CA1: variants seen among roughly 807,000 people sequenced by gnomAD.
The protein encoded by CA1 is carbonate dehydratase I.
CA1 carries 27 observed loss-of-function variants against 28.8 expected under a neutral mutation model. That is an observed-to-expected ratio of 0.94 (90% confidence interval 0.69 to 1.29). The LOEUF (loss-of-function observed/expected upper bound fraction) is 1.29, where lower values mean the gene tolerates loss of function less well. Among genes scored for constraint, CA1 ranks in the 50% most tolerant of loss-of-function variants. CA1 has a pLI of 0.00. For synonymous variants in CA1, 121 were observed against 108.8 expected (o/e 1.11, Z -0.70); for missense variants, 335 against 310.5 (o/e 1.08, Z -0.59).
chr8:85,366,250 T>C (rs1179006370), intron 1 of CA1, among the ~76,000 whole-genome samples: 1 of 150,062 alleles, frequency 6.7e-6, no homozygotes, highest in African/African-American at 2.5e-5. Flanking sequence ...TGAGCTCAAG[T>C]GATCCTCCCT....
At chr8:85,372,586 A>G (rs1331368541) in intron 1 of CA1, among the ~76,000 whole-genome samples, 2 of 152,220 alleles carry the variant, frequency 1.3e-5, no homozygotes, top group African/African-American at 2.4e-5. Context: ...TTATTGTCAG[A>G]TGAATGAATA....
chr8:85,357,757 G>A (rs976639819), intron 1 of CA1, among the ~76,000 whole-genome samples: 9 of 152,172 alleles, frequency 5.9e-5, no homozygotes, highest in Admixed American at 5.2e-4. Flanking sequence ...AGTCAGGGAA[G>A]TTCCAAAGAG....
intron 1 of CA1, among the ~76,000 whole-genome samples, chr8:85,376,911 A>G (rs974540981): frequency 9.2e-5 from 14 of 152,176 alleles, no homozygotes; most frequent in Middle Eastern, 3.4e-3. Flanking sequence ...ATTCTCTGAT[A>G]CAGTATCCTC....
At chr8:85,350,067 T>C (rs1809347265) in intron 1 of CA1, among the ~76,000 whole-genome samples, 1 of 152,214 alleles carries the variant, frequency 6.6e-6, no homozygotes, top group African/African-American at 2.4e-5. Flanking sequence ...GTCAAGGCCA[T>C]GTCTTATTCT....
At chr8:85,362,818 A>C (rs1418263483) in intron 1 of CA1, among the ~76,000 whole-genome samples, 1 of 152,216 alleles carries the variant, frequency 6.6e-6, no homozygotes, top group Non-Finnish European at 1.5e-5. Context: ...ATTCTATTGA[A>C]ATTTTTAGGC....
intron 1 of CA1, among the ~76,000 whole-genome samples, chr8:85,345,960 G>C (rs1809167867): frequency 6.6e-6 from 1 of 151,902 alleles, no homozygotes; most frequent in South Asian, 2.1e-4. Context: ...TCACTTTTAT[G>C]GCTTTTATTG....
chr8:85,329,258 C>G (rs956162655), intron 7 of CA1, among the ~76,000 whole-genome samples: 2 of 152,094 alleles, frequency 1.3e-5, no homozygotes, highest in Non-Finnish European at 2.9e-5. Flanking sequence ...TTATTAACAA[C>G]AGTTAATGAG....
At chr8:85,340,482 A>G (rs1808870073) in intron 2 of CA1, among the ~76,000 whole-genome samples, 1 of 152,236 alleles carries the variant, frequency 6.6e-6, no homozygotes, top group Admixed American at 6.5e-5. Flanking sequence ...ATGGAGATGT[A>G]CAAGGAGATT....
chr8:85,328,280 T>C lies in CA1; in HGVS notation c.*280A>G, dbSNP rs567462274. On this transcript the variant is annotated 3_prime_UTR_variant, in exon 8 of 8. Coordinates refer to ENST00000523022, the MANE Select transcript of CA1 (RefSeq NM_001128831.4). ...TCAAATAAACTGAAAAAAATAGACATACAAATCACTTAGTTGTAATTTTAA... is the reference window on the plus strand; with the variant it reads ...TCAAATAAACTGAAAAAAATAGACACACAAATCACTTAGTTGTAATTTTAA... 2.4e-4 allele frequency: 57 copies of C among 234,412 alleles called. No homozygotes were observed. The highest frequency in any genetic ancestry group is 1.7e-3 in the South Asian group (18 of 10,294). The allele number at this position is 234,412 out of a possible 1,614,324, so 14.5% of individuals were successfully genotyped here.
At chr8:85,344,444 C>T (rs1377109727) in intron 1 of CA1, among the ~76,000 whole-genome samples, 1 of 147,792 alleles carries the variant, frequency 6.8e-6, no homozygotes, top group Non-Finnish European at 1.5e-5. Context: ...TTTTTTAGTA[C>T]CCTAAAATGT....
At chr8:85,371,984 T>A (rs1810243760) in intron 1 of CA1, among the ~76,000 whole-genome samples, 1 of 152,158 alleles carries the variant, frequency 6.6e-6, no homozygotes, top group Non-Finnish European at 1.5e-5. Flanking sequence ...GAGGAGCTCA[T>A]AATGTTGTAC....
chr8:85,362,151 T>G lies in CA1; in HGVS notation c.-25+15895A>C, dbSNP rs368356077. Among the ~76,000 whole-genome samples the G allele has an allele frequency of 7.9e-5, 12 of 152,288 alleles. No individual in the cohort carries two copies. The East Asian group carries it at 2.1e-3, about 27-fold the overall frequency. On this transcript the variant is annotated intron_variant, in intron 1 of 7. Transcript: ENST00000523022. ...TCCAGTTTCTATGTGCCTCCTACAT[T>G]CCTTGGCTTATGATCCCTTCTCCAT...
At chr8:85,341,468 T>C in intron 2 of CA1, 131 bp downstream of exon 2, 1 of 677,906 alleles carries the variant, frequency 1.5e-6, no homozygotes, top group South Asian at 1.7e-5. Flanking sequence ...GCAAAGATAG[T>C]ATAATTATTT....
rs753464306 is a variant in CA1, at chr8:85,338,096, G to A, written c.235+156C>T. On this transcript the variant is annotated intron_variant, in intron 3 of 7. Coordinates refer to ENST00000523022, the MANE Select transcript of CA1 (RefSeq NM_001128831.4). ...TCCAAAAATTGTCTTTACCACCTGG[G>A]CGTTTTCCAGAAGTCCAAGATGCCT... The A allele has an allele frequency of 5.3e-6, 4 of 758,398 alleles. No homozygotes were observed. The Admixed American group carries it at 7.8e-5, about 15-fold the overall frequency. 47.0% of individuals were successfully genotyped at this position (758,398 alleles called of 1,614,324 possible).
At chr8:85,375,309 C>A (rs1810369139) in intron 1 of CA1, among the ~76,000 whole-genome samples, 1 of 152,066 alleles carries the variant, frequency 6.6e-6, no homozygotes, top group South Asian at 2.1e-4. Flanking sequence ...ATGAAACAGC[C>A]TGGAAAGAAG....
At chr8:85,342,612 A>G (rs1204240417) in intron 1 of CA1, 2 of 152,278 alleles carry the variant, frequency 1.3e-5, no homozygotes, top group Non-Finnish European at 2.9e-5. Flanking sequence ...ACTGATGCCA[A>G]CTGAATGATG....
At chr8:85,332,855 A>C (rs958299962) in intron 5 of CA1, among the ~76,000 whole-genome samples, 1 of 152,156 alleles carries the variant, frequency 6.6e-6, no homozygotes, top group African/African-American at 2.4e-5. Flanking sequence ...TGACACAAAA[A>C]CAAATCTCTT....
rs1313930923 is a variant in CA1 at position 85,341,728 on chromosome 8, G to T, written c.-24-69C>A. The T allele has an allele frequency of 3.5e-6, 3 of 852,020 alleles. No homozygotes were observed. In the East Asian group the frequency reaches 7.3e-5, roughly 21 times the overall value. 52.8% of individuals were successfully genotyped at this position (852,020 alleles called of 1,614,324 possible). On this transcript the variant is annotated intron_variant, in intron 1 of 7. Transcript: ENST00000523022. ...CATGCAGGAGATGCCTTAAATCCCT[G>T]CTTGGGCGTTTTTATAGAAACTTAC...
intron 1 of CA1, 78 bp from the exon 2 acceptor site, chr8:85,341,737 T>G (rs1370454235): frequency 6.2e-6 from 5 of 808,904 alleles, no homozygotes; most frequent in Non-Finnish European, 6.5e-6. Context: ...TGCTTGGGCG[T>G]TTTTATAGAA....
Sources: allele counts gnomAD v4.1 joint callset (sites outside exome capture counted in the v4.1 genomes callset), GRCh38; gene constraint gnomAD v4.1.1; transcripts MANE v1.5; gene names NCBI Gene and HGNC (gene_info 2026-07-23, HGNC 2026-07-21).